Variants in GRHL2 observed in about 807,000 individuals in gnomAD.
GRHL2 encodes the protein grainyhead-like protein 2 homolog.
In GRHL2, 21 loss-of-function variants were observed where a neutral mutation model predicts 83.8. The ratio of observed to expected loss-of-function variants is 0.25; its 90% CI spans 0.18 to 0.36. The LOEUF (loss-of-function observed/expected upper bound fraction) is 0.36. Ranked by LOEUF, GRHL2 falls within the 10% of genes least tolerant of loss-of-function variation. The pLI is 1.00. For missense variants in GRHL2, 623 were observed against 781.8 expected, an observed-to-expected ratio of 0.80 and a Z score of 2.42; for synonymous variants, 280 against 278.9, an observed-to-expected ratio of 1.00 and a Z score of -0.04.
chr8:101,589,177 G>A (rs1289210189), intron 7 of GRHL2, among the ~76,000 whole-genome samples: 1 of 152,198 alleles, frequency 6.6e-6, no homozygotes. Flanking sequence ...TTTTAAGCAT[G>A]TTACTTACCA....
intron 4 of GRHL2, among the ~76,000 whole-genome samples, chr8:101,560,669 G>T (rs1366197334): frequency 1.3e-5 from 2 of 152,058 alleles, no homozygotes; most frequent in Non-Finnish European, 2.9e-5. Flanking sequence ...GCCAAAATTT[G>T]GTAACTTTTA....
chr8:101,525,652 G>C (rs949362427), intron 1 of GRHL2, among the ~76,000 whole-genome samples: 1 of 149,422 alleles, frequency 6.7e-6, no homozygotes, highest in Non-Finnish European at 1.5e-5. Context: ...CACCACACCC[G>C]GCTTGAAATA....
downstream of GRHL2, among the ~76,000 whole-genome samples, chr8:101,670,860 T>C (rs924394626): frequency 6.6e-6 from 1 of 152,224 alleles, no homozygotes; most frequent in Non-Finnish European, 1.5e-5. Flanking sequence ...CTGGACCTGA[T>C]GTTTTGCCGT....
chr8:101,511,100 C>CA (rs35077640), intron 1 of GRHL2, among the ~76,000 whole-genome samples: 100 of 145,992 alleles, frequency 6.8e-4, no homozygotes, highest in Admixed American at 1.9e-3. Context: ...GACTCCGTCT[C>CA]AAAAAAAAAA....
chr8:101,678,281 G>T, the GRHL2 span, among the ~76,000 whole-genome samples: 1 of 152,182 alleles, frequency 6.6e-6, no homozygotes, highest in East Asian at 1.9e-4. Flanking sequence ...GAAGCGCAAG[G>T]GGTCAGGGAG....
Position 101,599,171 on chromosome 8 carries a change from T to C in GRHL2, c.1098+20T>C, listed in dbSNP as rs370997183. On this transcript the variant is annotated intron_variant, in intron 8 of 15. Transcript: ENST00000646743. ...GCGAAGGTGAGTGACATTGATTCAT[T>C]GTTTATACCTCTTAATATGTGCCCA... is the stretch of plus-strand genomic sequence containing the variant. 4.8e-6 allele frequency: 7 copies of C among 1,459,606 alleles called. No individual in the cohort carries two copies. The African/African-American group carries it at 9.7e-5, about 20-fold the overall frequency. The allele number at this position is 1,459,606 out of a possible 1,614,324, so 90.4% of individuals were successfully genotyped here. A position where few individuals can be genotyped will look rare whatever the true frequency, so the allele number is the denominator to read the frequency against.
intron 11 of GRHL2, among the ~76,000 whole-genome samples, chr8:101,635,057 A>T (rs1450249118): frequency 6.6e-6 from 1 of 152,118 alleles, no homozygotes; most frequent in Non-Finnish European, 1.5e-5. Context: ...AGCCTTCCCC[A>T]AAGTACTTGA....
intron 1 of GRHL2, among the ~76,000 whole-genome samples, chr8:101,519,167 A>G (rs139430888): frequency 1.1e-4 from 16 of 151,878 alleles, no homozygotes; most frequent in Non-Finnish European, 2.1e-4. Context: ...AGTCAAAGTT[A>G]TCACTTTTTC....
chr8:101,589,964 G>A (rs901061440), intron 7 of GRHL2, among the ~76,000 whole-genome samples: 3 of 152,126 alleles, frequency 2.0e-5, no homozygotes, highest in African/African-American at 7.2e-5. Flanking sequence ...CTGACTGTGG[G>A]GGATGGGAGA....
chr8:101,607,125 C>T lies in GRHL2; in HGVS notation c.1098+7974C>T, dbSNP rs192000843. ...TTCCCCCTTCCCTCTATCTCTCTTC[C>T]GGTTCTTTTTGGTCTAAACTGCTTA... On this transcript the variant is annotated intron_variant, in intron 8 of 15. Coordinates refer to ENST00000646743, the MANE Select transcript of GRHL2 (RefSeq NM_024915.4). 1.2e-3 allele frequency among the ~76,000 whole-genome samples: 181 copies of T among 152,292 alleles called. 3 individuals are homozygous for T. The highest frequency in any genetic ancestry group is 3.7e-3 in the African/African-American group (153 of 41,546).
At position 101,492,627 on chromosome 8, in the gene GRHL2, G is replaced by C. The variant is rs560102910; in HGVS notation, c.-143G>C. 1 of 774,108 alleles carries C rather than the reference G, an allele frequency of 1.3e-6. No homozygotes were observed. The allele number at this position is 774,108 out of a possible 1,614,324, so 48.0% of individuals were successfully genotyped here. On this transcript the variant is annotated 5_prime_UTR_variant, in exon 1 of 16. Transcript: ENST00000646743. ...GGCGAGCGAGCGAGAGTGGTGAGGG[G>C]GGACGGAAAAGCAGAATTACCTGTA...
intron 4 of GRHL2, among the ~76,000 whole-genome samples, chr8:101,567,243 A>AT (rs1328645633): frequency 6.6e-6 from 1 of 152,218 alleles, no homozygotes; most frequent in East Asian, 1.9e-4. Context: ...ATATGTTAGC[A>AT]TACCTTCTTT....
intron 9 of GRHL2, among the ~76,000 whole-genome samples, chr8:101,625,422 A>G (rs925754350): frequency 4.6e-5 from 7 of 152,112 alleles, no homozygotes; most frequent in African/African-American, 1.7e-4. Context: ...ATGTCCTAGA[A>G]TGAGAGGGAC....
chr8:101,610,569 A>T (rs1183023982), intron 8 of GRHL2, among the ~76,000 whole-genome samples: 1 of 150,848 alleles, frequency 6.6e-6, no homozygotes. Flanking sequence ...GACGATAGTA[A>T]AATTCTTTCG....
chr8:101,623,704 C>T (rs1160356895), intron 9 of GRHL2, among the ~76,000 whole-genome samples: 1 of 152,096 alleles, frequency 6.6e-6, no homozygotes, highest in African/African-American at 2.4e-5. Flanking sequence ...GGACAGAACA[C>T]AGTAGGACAG....
intron 3 of GRHL2, among the ~76,000 whole-genome samples, chr8:101,557,884 G>C (rs1811519915): frequency 6.6e-6 from 1 of 152,070 alleles, no homozygotes; most frequent in African/African-American, 2.4e-5. Flanking sequence ...GTTTTGTTTT[G>C]AGACAGTTTC....
At chr8:101,591,193 A>C (rs1812274281) in intron 7 of GRHL2, among the ~76,000 whole-genome samples, 1 of 152,268 alleles carries the variant, frequency 6.6e-6, no homozygotes. Context: ...ATTGGATCCT[A>C]TAATTTCTGT....
At chr8:101,500,041 A>G (rs1810191831) in intron 1 of GRHL2, among the ~76,000 whole-genome samples, 2 of 152,078 alleles carry the variant, frequency 1.3e-5, no homozygotes, top group South Asian at 4.2e-4. Flanking sequence ...GCACCACTGC[A>G]CTCCAGCCTC....
intron 7 of GRHL2, among the ~76,000 whole-genome samples, chr8:101,591,964 T>C (rs1231462043): frequency 6.6e-6 from 1 of 152,158 alleles, no homozygotes; most frequent in Non-Finnish European, 1.5e-5. Flanking sequence ...TGCAGGTAAC[T>C]GCCTGTCCTC....
Sources: gnomAD v4.1 joint callset for allele counts (sites outside exome capture counted in the v4.1 genomes callset) on GRCh38, gnomAD v4.1.1 for gene constraint, MANE v1.5 for transcripts, NCBI Gene and HGNC (gene_info 2026-07-23, HGNC 2026-07-21) for gene names.